Variants in SDK1 observed in about 807,000 individuals in gnomAD.
SDK1 encodes protein sidekick-1.
In SDK1, 157 loss-of-function variants were observed where a neutral mutation model predicts 245.5. The ratio of observed to expected loss-of-function variants is 0.64; its 90% CI spans 0.56 to 0.73. The LOEUF is 0.73. SDK1 is among the 30% of genes least tolerant of loss of function. SDK1 has a pLI of 0.00. For missense variants in SDK1, 3,583 were observed against 3,002.3 expected, an observed-to-expected ratio of 1.19 and a Z score of -4.52; for synonymous variants, 1,647 against 1,278.5, an observed-to-expected ratio of 1.29 and a Z score of -6.15.
At chr7:4,188,151 G>T (rs532240898) in intron 35 of SDK1, among the ~76,000 whole-genome samples, 30 of 152,346 alleles carry the variant, frequency 2.0e-4, no homozygotes, top group Admixed American at 5.9e-4. Flanking sequence ...TTCAAGGTGA[G>T]ATTTGGGTGG....
Position 3,971,533 on chromosome 7 carries a change from C to A in SDK1, c.1782C>A (p.His594Gln). The A allele has an allele frequency of 6.2e-7, 1 of 1,613,646 alleles. No individual in the cohort carries two copies. Among genetic ancestry groups the A allele is most frequent in the Non-Finnish European group, 8.5e-7 (1 of 1,179,778 alleles). Residue 594 changes from histidine (H) to glutamine (Q), a missense_variant, in exon 12 of 45, where the codon CAC (histidine) becomes CAA (glutamine). Transcript: ENST00000404826. ...TTAAGGGGACCACGGCCACGCTGCA[C>A]TGTGGTGCCACACATGACCCCCGGG... is the stretch of plus-strand genomic sequence containing the variant. ...VVIKGTTATL[H>Q]CGATHDPRVS...
chr7:3,720,267 A>G (rs1474337685), intron 4 of SDK1, among the ~76,000 whole-genome samples: 1 of 152,162 alleles, frequency 6.6e-6, no homozygotes, highest in Non-Finnish European at 1.5e-5. Flanking sequence ...AAAAACAACA[A>G]CAAAAAAAGT....
At chr7:3,839,389 A>G (rs2115085529) in intron 5 of SDK1, among the ~76,000 whole-genome samples, 1 of 152,316 alleles carries the variant, frequency 6.6e-6, no homozygotes, top group African/African-American at 2.4e-5. Flanking sequence ...AGAGAATTGA[A>G]GGTGAACCCA....
rs375166801 is a variant in SDK1, at chr7:3,971,520, C to T, written c.1769C>T (p.Thr590Met). ...PEDHVVIKGT[T>M]ATLHCGATHD... is the part of the protein sequence containing the mutation. ...GACCACGTGGTGATTAAGGGGACCA[C>T]GGCCACGCTGCACTGTGGTGCCACA... Residue 590 changes from threonine to methionine, a missense_variant, in exon 12 of 45, where the codon ACG (threonine) becomes ATG (methionine). By Grantham distance (81) the Thr-to-Met change is moderately conservative. Coordinates refer to ENST00000404826, the MANE Select transcript of SDK1 (RefSeq NM_152744.4). The T allele has an allele frequency of 1.4e-5, 23 of 1,613,632 alleles. No individual in the cohort carries two copies. Among genetic ancestry groups the T allele is most frequent in the South Asian group, 5.5e-5 (5 of 90,934 alleles).
chr7:3,504,675 C>G (rs1782332614), intron 1 of SDK1, among the ~76,000 whole-genome samples: 1 of 151,858 alleles, frequency 6.6e-6, no homozygotes. Flanking sequence ...TGCATTATAG[C>G]TAAAACTATG....
At chr7:3,796,579 G>A (rs1000986815) in intron 4 of SDK1, among the ~76,000 whole-genome samples, 1 of 152,102 alleles carries the variant, frequency 6.6e-6, no homozygotes, top group Non-Finnish European at 1.5e-5. Flanking sequence ...TCAGTACATA[G>A]CCAGGCGCAA....
chr7:3,674,716 A>T (rs1323528548), intron 4 of SDK1, among the ~76,000 whole-genome samples: 1 of 152,164 alleles, frequency 6.6e-6, no homozygotes, highest in Non-Finnish European at 1.5e-5. Context: ...CCTGATGTGT[A>T]GCTTTTTCCA....
intron 4 of SDK1, among the ~76,000 whole-genome samples, chr7:3,747,660 G>T (rs1377667391): frequency 6.6e-6 from 1 of 152,060 alleles, no homozygotes; most frequent in Non-Finnish European, 1.5e-5. Flanking sequence ...GTACTAGGTA[G>T]CTGAGGGCCT....
chr7:3,511,519 G>C (rs897922496), intron 1 of SDK1, among the ~76,000 whole-genome samples: 2 of 152,082 alleles, frequency 1.3e-5, no homozygotes, highest in Middle Eastern at 3.2e-3. Flanking sequence ...AAATTTATTA[G>C]TCAAATTGTC....
chr7:3,659,585 C>T (rs1158754683), intron 4 of SDK1, among the ~76,000 whole-genome samples: 1 of 152,092 alleles, frequency 6.6e-6, no homozygotes, highest in Non-Finnish European at 1.5e-5. Context: ...GTGACGTCGG[C>T]AGGGACTAGA....
intron 1 of SDK1, among the ~76,000 whole-genome samples, chr7:3,388,457 G>A (rs1450853743): frequency 6.6e-6 from 1 of 151,670 alleles, no homozygotes; most frequent in East Asian, 1.9e-4. Context: ...CTTGAGTGCA[G>A]TGGCAAGATC....
At chr7:3,357,338 T>G (rs1201050655) in intron 1 of SDK1, among the ~76,000 whole-genome samples, 29 of 19,560 alleles carry the variant, frequency 1.5e-3, no homozygotes, top group South Asian at 2.4e-3. Context: ...GTTTTTTTTT[T>G]TTTTTTTTTT....
intron 1 of SDK1, among the ~76,000 whole-genome samples, chr7:3,496,511 T>C (rs1468885170): frequency 1.3e-5 from 2 of 152,158 alleles, no homozygotes; most frequent in Non-Finnish European, 2.9e-5. Flanking sequence ...TATCTTATTT[T>C]GCTCCCTAAT....
At chr7:3,910,810 T>C (rs1393295109) in intron 5 of SDK1, among the ~76,000 whole-genome samples, 1 of 152,252 alleles carries the variant, frequency 6.6e-6, no homozygotes, top group Non-Finnish European at 1.5e-5. Flanking sequence ...TGATCAATTA[T>C]CCAGAAAAAC....
At chr7:3,328,855 T>G (rs1193018810) in intron 1 of SDK1, among the ~76,000 whole-genome samples, 1 of 152,140 alleles carries the variant, frequency 6.6e-6, no homozygotes, top group African/African-American at 2.4e-5. Flanking sequence ...CTTTTTTGTT[T>G]GTTTTAAAGT....
chr7:3,406,800 C>T (rs1043611513), intron 1 of SDK1, among the ~76,000 whole-genome samples: 8 of 152,076 alleles, frequency 5.3e-5, no homozygotes, highest in South Asian at 2.1e-4. Flanking sequence ...TAAACATGTG[C>T]GTGTATACAT....
intron 4 of SDK1, among the ~76,000 whole-genome samples, chr7:3,713,005 C>A (rs1417326315): frequency 6.6e-6 from 1 of 152,192 alleles, no homozygotes; most frequent in East Asian, 1.9e-4. Context: ...TGGCCACAAG[C>A]TTGTCTTAAG....
At chr7:3,431,233 C>T (rs17133341) in intron 1 of SDK1, among the ~76,000 whole-genome samples, 26,706 of 151,994 alleles carry the variant, frequency 0.18, 2,359 homozygotes, top group South Asian at 0.22. Flanking sequence ...AAACAATGAT[C>T]ACCATACATG....
chr7:3,875,119 T>C (rs553521013), intron 5 of SDK1, among the ~76,000 whole-genome samples: 6 of 152,330 alleles, frequency 3.9e-5, no homozygotes, highest in African/African-American at 1.4e-4. Context: ...TATAGTGAGT[T>C]CAAGGTGTCT....
Sources: allele counts gnomAD v4.1 joint callset (sites outside exome capture counted in the v4.1 genomes callset), GRCh38; gene constraint gnomAD v4.1.1; transcripts MANE v1.5; gene names NCBI Gene and HGNC (gene_info 2026-07-23, HGNC 2026-07-21).